PHF13: variants seen among roughly 807,000 people sequenced by gnomAD.
The protein encoded by PHF13 is PHD finger protein 13, also known as PHD zinc finger protein PHF5.
Under a neutral mutation model 25.8 loss-of-function variants are expected in PHF13, and 1 was observed. The ratio of observed to expected loss-of-function variants is 0.04; its 90% confidence interval spans 0.01 to 0.18. PHF13 has a LOEUF of 0.18. Among genes scored for constraint, PHF13 ranks in the 10% least tolerant of loss-of-function variants. The pLI is 1.00. For synonymous variants in PHF13, 195 were observed against 162.4 expected, an observed-to-expected ratio of 1.20 and a Z score of -1.53; for missense variants, 306 against 403.2, an observed-to-expected ratio of 0.76 and a Z score of 2.06.
chr1:6,617,383 C>T (rs965229295), intron 2 of PHF13, among the ~76,000 whole-genome samples: 1 of 150,240 alleles, frequency 6.7e-6, no homozygotes, highest in Admixed American at 6.6e-5. Context: ...ACCGCCCAGC[C>T]GATTTAGTAA....
chr1:6,614,344 C>T (rs1197024830), intron 1 of PHF13: 7 of 506,198 alleles, frequency 1.4e-5, no homozygotes, highest in South Asian at 2.4e-5. Flanking sequence ...GCGCCCTTTC[C>T]CCAGGGCCGT....
At chr1:6,614,973 C>T (rs574138857) in intron 1 of PHF13, among the ~76,000 whole-genome samples, 106 of 151,516 alleles carry the variant, frequency 7.0e-4, no homozygotes, top group African/African-American at 2.4e-3. Flanking sequence ...CGCAGGGCCT[C>T]CCCAGGCCTG....
At position 6,621,476 on chromosome 1, in the gene PHF13, G is replaced by C. The variant is rs1284509991; in HGVS notation, c.742G>C (p.Glu248Gln). Reference sequence around the variant, plus strand: ...GCCATTTGCCGGCCGCCCCATGATCGAGTGTAATGAGTGCCACACCTGGAT... The same window carrying C: ...GCCATTTGCCGGCCGCCCCATGATCCAGTGTAATGAGTGCCACACCTGGAT... ...MKPFAGRPMI[E>Q]CNECHTWIHL... The change falls in exon 4 of 4, where the codon GAG (glutamate) becomes CAG (glutamine). Residue 248 changes from glutamate (E) to glutamine (Q), a missense_variant. Glu to Gln is a conservative substitution (Grantham distance 29, BLOSUM62 2). This residue lies in a region of PHF13 where 13 missense variants were observed against 67.7 expected (regional missense o/e 0.19). Coordinates refer to ENST00000377648, the MANE Select transcript of PHF13 (RefSeq NM_153812.3). This position sits in a 1 kb window ranked among gnomAD's most constrained non-coding sequence, Gnocchi z 4.8. The C allele has an allele frequency of 6.2e-7, 1 of 1,614,104 alleles. No individual in the cohort carries two copies. Among genetic ancestry groups the C allele is most frequent in the Non-Finnish European group, 8.5e-7 (1 of 1,180,026 alleles).
rs1186479812 is a variant in PHF13 at position 6,623,673 on chromosome 1, T to C, written c.*2036T>C. 1 of 152,714 alleles carries C rather than the reference T, an allele frequency of 6.5e-6. No individual in the cohort carries two copies. The highest frequency in any genetic ancestry group is 1.5e-5 in the Non-Finnish European group (1 of 68,066). 9.5% of individuals were successfully genotyped at this position (152,714 alleles called of 1,614,324 possible). On this transcript the variant is annotated 3_prime_UTR_variant, in exon 4 of 4. Transcript: ENST00000377648. The stretch of plus-strand genomic sequence containing the variant: ...TTTCCTTGATTGCATTTTTGTTCTT[T>C]TAGCAGATCTGTCCCTGTGGGTGGT...
In PHF13 at chr1:6,621,213, A is replaced by T. The variant is rs562926847; in HGVS notation, c.677-198A>T. Among the ~76,000 whole-genome samples, 77 of 151,870 alleles carry T rather than the reference A, an allele frequency of 5.1e-4. 1 individual carries two copies. The highest frequency in any genetic ancestry group is 1.7e-3 in the African/African-American group (72 of 41,374). ...ACCCTGTCTTAGGGAAAAAAAAAAAAAAGTAAGCATCTCCTGGGTAATACC... is the reference window on the plus strand; with the variant it reads ...ACCCTGTCTTAGGGAAAAAAAAAAATAAGTAAGCATCTCCTGGGTAATACC... On this transcript the variant is annotated intron_variant, in intron 3 of 3. Transcript: ENST00000377648. The surrounding 1 kb of genome is among the most constrained non-coding windows in gnomAD (Gnocchi z 4.8).
rs1641332594 is a variant in PHF13, at chr1:6,621,102, G to A, written c.677-309G>A. On this transcript the variant is annotated intron_variant, in intron 3 of 3. Transcript: ENST00000377648. This position sits in a 1 kb window ranked among gnomAD's most constrained non-coding sequence, Gnocchi z 4.8. ...AGTCCCAGCTATTTGGGAGGCTGAG[G>A]TGGGAGGATGGCTTGACTGCAGGAG... Among the ~76,000 whole-genome samples the A allele has an allele frequency of 6.6e-6, 1 of 151,854 alleles. No homozygotes were observed. Among genetic ancestry groups the A allele is most frequent in the African/African-American group, 2.4e-5 (1 of 41,338 alleles).
intron 1 of PHF13, chr1:6,614,400 C>G (rs1641221506): frequency 7.8e-6 from 3 of 386,550 alleles, no homozygotes; most frequent in South Asian, 3.1e-5. Flanking sequence ...GGCCTCGCGT[C>G]GACCTGGGAC....
At chr1:6,620,568 G>C (rs1641323547) in intron 3 of PHF13, among the ~76,000 whole-genome samples, 2 of 152,210 alleles carry the variant, frequency 1.3e-5, no homozygotes, top group Admixed American at 1.3e-4. Flanking sequence ...AACATAAAAA[G>C]GGTATAGTTC....
intron 3 of PHF13, among the ~76,000 whole-genome samples, chr1:6,620,722 C>T (rs2148710717): frequency 6.6e-6 from 1 of 151,762 alleles, no homozygotes; most frequent in Non-Finnish European, 1.5e-5. Flanking sequence ...CCTGTCACTG[C>T]AAAAATACAA....
chr1:6,621,855 T>C lies in PHF13; in HGVS notation c.*218T>C. 1 of 595,794 alleles carries C rather than the reference T, an allele frequency of 1.7e-6. No individual in the cohort carries two copies. The highest frequency in any genetic ancestry group is 2.9e-5 in the East Asian group (1 of 34,864). 36.9% of individuals were successfully genotyped at this position (595,794 alleles called of 1,614,324 possible). On this transcript the variant is annotated 3_prime_UTR_variant, in exon 4 of 4. Coordinates refer to ENST00000377648, the MANE Select transcript of PHF13 (RefSeq NM_153812.3). This position sits in a 1 kb window ranked among gnomAD's most constrained non-coding sequence, Gnocchi z 4.8. ...GCCAGAGCTGCTGCCAGAGCTGCGT[T>C]CCCTGCAGTGGAGGTGGACTGGACA...
chr1:6,621,775 A>T lies in PHF13; in HGVS notation c.*138A>T. 1 of 819,234 alleles carries T rather than the reference A, an allele frequency of 1.2e-6. No homozygotes were observed. The highest frequency in any genetic ancestry group is 2.0e-6 in the Non-Finnish European group (1 of 512,782). The allele number at this position is 819,234 out of a possible 1,614,324, so 50.7% of individuals were successfully genotyped here. On this transcript the variant is annotated 3_prime_UTR_variant, in exon 4 of 4. Transcript: ENST00000377648. This position sits in a 1 kb window ranked among gnomAD's most constrained non-coding sequence, Gnocchi z 4.8. ...CATTTAGGTGCCTAAGCAAAAGGAC[A>T]GGCTGTCCAAGGTAGAAACTGTACA...
rs1641344221 is a variant in PHF13, at chr1:6,621,817, G to A, written c.*180G>A. On this transcript the variant is annotated 3_prime_UTR_variant, in exon 4 of 4. Transcript: ENST00000377648. The surrounding 1 kb of genome is among the most constrained non-coding windows in gnomAD (Gnocchi z 4.8). Reference sequence around the variant, plus strand: ...AACTGTACATAGCCGGTGACCGAATGCGACCTTTGCCAGCCAGAGCTGCTG... The same window carrying A: ...AACTGTACATAGCCGGTGACCGAATACGACCTTTGCCAGCCAGAGCTGCTG... 2.1e-5 allele frequency: 14 copies of A among 658,818 alleles called. No individual in the cohort carries two copies. The highest frequency in any genetic ancestry group is 3.4e-5 in the Non-Finnish European group (13 of 385,278). The allele number at this position is 658,818 out of a possible 1,614,324, so 40.8% of individuals were successfully genotyped here.
chr1:6,618,686 C>G (rs542521969), intron 2 of PHF13, among the ~76,000 whole-genome samples: 2 of 152,208 alleles, frequency 1.3e-5, no homozygotes, highest in South Asian at 4.2e-4. Flanking sequence ...CTCTGTGGCT[C>G]AGGCTGGAGT....
intron 1 of PHF13, among the ~76,000 whole-genome samples, chr1:6,615,195 T>C (rs1322149579): frequency 6.6e-6 from 1 of 151,616 alleles, no homozygotes; most frequent in Non-Finnish European, 1.5e-5. Context: ...CGCCGGTGCC[T>C]CCCGCGCGCC....
intron 1 of PHF13, chr1:6,614,335 C>T (rs1220864348): frequency 9.6e-6 from 5 of 522,302 alleles, no homozygotes; most frequent in African/African-American, 2.1e-5. Flanking sequence ...GTCCTCCCCG[C>T]GCCCTTTCCC....
chr1:6,621,463 C>A lies in PHF13; in HGVS notation c.729C>A (p.Gly243=). ...VTCFCMKPFA[G]RPMIECNECH... Reference sequence around the variant, plus strand: ...GCTTCTGCATGAAGCCATTTGCCGGCCGCCCCATGATCGAGTGTAATGAGT... The same window carrying A: ...GCTTCTGCATGAAGCCATTTGCCGGACGCCCCATGATCGAGTGTAATGAGT... Residue 243 remains glycine (G), a synonymous_variant, in exon 4 of 4, where the codon GGC becomes GGA. Transcript: ENST00000377648. This position sits in a 1 kb window ranked among gnomAD's most constrained non-coding sequence, Gnocchi z 4.8. 6.2e-7 allele frequency: 1 copy of A among 1,614,144 alleles called. No individual in the cohort carries two copies. The highest frequency in any genetic ancestry group is 2.2e-5 in the East Asian group (1 of 44,866).
rs1169476446 is a variant in PHF13, at chr1:6,622,819, C to T, written c.*1182C>T. The T allele has an allele frequency of 6.6e-6, 1 of 152,158 alleles. No individual in the cohort carries two copies. Among genetic ancestry groups the T allele is most frequent in the African/African-American group, 2.4e-5 (1 of 41,416 alleles). 9.4% of individuals were successfully genotyped at this position (152,158 alleles called of 1,614,324 possible). On this transcript the variant is annotated 3_prime_UTR_variant, in exon 4 of 4. Coordinates refer to ENST00000377648, the MANE Select transcript of PHF13 (RefSeq NM_153812.3). The stretch of plus-strand genomic sequence containing the variant: ...CCTGGGAGGCCCCTGTGAGGGCCAG[C>T]TCTGGAAAAACCTGGGAGTTGATGC...
In PHF13 at chr1:6,622,294, A is replaced by G. The variant is rs927827650; in HGVS notation, c.*657A>G. The G allele has an allele frequency of 1.3e-5, 2 of 156,322 alleles. No individual in the cohort carries two copies. The highest frequency in any genetic ancestry group is 2.8e-5 in the Non-Finnish European group (2 of 70,176). 9.7% of individuals were successfully genotyped at this position (156,322 alleles called of 1,614,324 possible). ...GGACAATGTGGCCACTTCTCTGTGG[A>G]AAGGGAGTTGGTTGGGGGGTTGAGA... On this transcript the variant is annotated 3_prime_UTR_variant, in exon 4 of 4. Transcript: ENST00000377648.
rs1044686525 is a variant in PHF13, at chr1:6,623,639, T to TC, written c.*2004dup. 1 of 152,694 alleles carries TC rather than the reference T, an allele frequency of 6.5e-6. No individual in the cohort carries two copies. The highest frequency in any genetic ancestry group is 2.4e-5 in the African/African-American group (1 of 41,470). 9.5% of individuals were successfully genotyped at this position (152,694 alleles called of 1,614,324 possible). Reference sequence around the variant, plus strand: ...CTCTGGAATGCATGTGATACTCATCTCCATTTTGTTTCCTTGATTGCATTT... The same window carrying TC: ...CTCTGGAATGCATGTGATACTCATCTCCCATTTTGTTTCCTTGATTGCATTT... On this transcript the variant is annotated 3_prime_UTR_variant, in exon 4 of 4. Coordinates refer to ENST00000377648, the MANE Select transcript of PHF13 (RefSeq NM_153812.3).
Sources: gnomAD v4.1 joint callset for allele counts (sites outside exome capture counted in the v4.1 genomes callset) on GRCh38, gnomAD v4.1.1 for gene constraint, gnomAD v4.1.1 regional missense constraint, Gnocchi (gnomAD v3.1) non-coding constraint, MANE v1.5 for transcripts, NCBI Gene and HGNC (gene_info 2026-07-23, HGNC 2026-07-21) for gene names.